Variants in MTAP observed in about 807,000 individuals in gnomAD.
MTAP encodes methylthioadenosine phosphorylase.
A neutral mutation model predicts 33.6 loss-of-function variants in MTAP; 33 were observed. The observed-to-expected ratio is 0.98, with a 90% CI of 0.74 to 1.31. The LOEUF (loss-of-function observed/expected upper bound fraction) is 1.31, where lower values mean the gene tolerates loss of function less well. Ranked by LOEUF, MTAP falls within the 40% of genes most tolerant of loss-of-function variation. The probability of loss-of-function intolerance (pLI) is 0.00; values close to 1 mark genes in which losing one functional copy is unlikely to be tolerated. For missense variants in MTAP, 367 were observed against 360.0 expected, an observed-to-expected ratio of 1.02 and a Z score of -0.16; for synonymous variants, 148 against 125.7, an observed-to-expected ratio of 1.18 and a Z score of -1.19.
chr9:21,823,831 A>G lies in MTAP; in HGVS notation c.347+5629A>G, dbSNP rs1387937978. 2.6e-5 allele frequency among the ~76,000 whole-genome samples: 4 copies of G among 152,024 alleles called. No individual in the cohort carries two copies. The East Asian group carries it at 7.7e-4, about 29-fold the overall frequency. ...CATTTCTTTTTACTCTTTTTTCTCT[A>G]AACTTCTCGCTTCATTTCATTCATC... is the stretch of plus-strand genomic sequence containing the variant. On this transcript the variant is annotated intron_variant, in intron 4 of 7. Coordinates refer to ENST00000644715, the MANE Select transcript of MTAP (RefSeq NM_002451.4).
At chr9:21,837,385 A>G (rs944520900) in intron 4 of MTAP, among the ~76,000 whole-genome samples, 4 of 152,160 alleles carry the variant, frequency 2.6e-5, no homozygotes, top group Non-Finnish European at 5.9e-5. Flanking sequence ...TAACAAAGCA[A>G]CTGTTTAAAA....
Position 21,918,504 on chromosome 9 carries a change from A to G in MTAP, c.148-12504A>G, listed in dbSNP as rs148072090. On this transcript the variant is annotated intron_variant, in intron 1 of 1. Coordinates refer to the MTAP transcript ENST00000577563. Reference sequence around the variant, plus strand: ...AAATTTCAGAAATTAGCACTAAAGAACTTACCCATTTAACCAAAAACCATC... The same window carrying G: ...AAATTTCAGAAATTAGCACTAAAGAGCTTACCCATTTAACCAAAAACCATC... Among the ~76,000 whole-genome samples, 567 of 152,144 alleles carry G rather than the reference A, an allele frequency of 3.7e-3. 2 individuals carry two copies. Among genetic ancestry groups the G allele is most frequent in the African/African-American group, 0.013 (528 of 41,492 alleles).
At chr9:21,894,330 G>A (rs979476009) in intron 1 of MTAP, among the ~76,000 whole-genome samples, 8 of 151,606 alleles carry the variant, frequency 5.3e-5, no homozygotes, top group Admixed American at 2.0e-4. Flanking sequence ...AGCATTCCCC[G>A]TGAGAACTGA....
chr9:21,846,765 A>G (rs1402166900), intron 5 of MTAP, among the ~76,000 whole-genome samples: 1 of 152,260 alleles, frequency 6.6e-6, no homozygotes, highest in African/African-American at 2.4e-5. Flanking sequence ...ATTATATGAA[A>G]AAGACACTTG....
intron 1 of MTAP, among the ~76,000 whole-genome samples, chr9:21,921,585 G>T (rs1315480275): frequency 2.6e-5 from 4 of 152,180 alleles, no homozygotes; most frequent in Non-Finnish European, 5.9e-5. Context: ...TGGAAAAGAA[G>T]AAATTCTGAA....
rs1458587511 is a variant in MTAP, at chr9:21,864,275, T to G, written c.*2261T>G. On this transcript the variant is annotated 3_prime_UTR_variant, in exon 8 of 8. Coordinates refer to ENST00000644715, the MANE Select transcript of MTAP (RefSeq NM_002451.4). ...CTCCTTATGCAAAGCCAATATAATT[T>G]TCCTCATACCTTATGCTTGAGGATA... The G allele has an allele frequency of 1.0e-6, 1 of 985,312 alleles. No individual in the cohort carries two copies. The highest frequency in any genetic ancestry group is 1.7e-5 in the African/African-American group (1 of 57,244). The allele number at this position is 985,312 out of a possible 1,614,324, so 61.0% of individuals were successfully genotyped here.
intron 1 of MTAP, among the ~76,000 whole-genome samples, chr9:21,874,033 T>C (rs1825971873): frequency 6.6e-6 from 1 of 152,176 alleles, no homozygotes. Context: ...CATCGGAATG[T>C]GATGATGTGT....
At chr9:21,882,118 A>G (rs571265114) in intron 1 of MTAP, among the ~76,000 whole-genome samples, 1 of 152,118 alleles carries the variant, frequency 6.6e-6, no homozygotes, top group South Asian at 2.1e-4. Flanking sequence ...AACCTTAAAA[A>G]GGATTTCCTT....
chr9:21,847,279 C>G (rs1484417672), intron 5 of MTAP, among the ~76,000 whole-genome samples: 1 of 152,146 alleles, frequency 6.6e-6, no homozygotes, highest in Admixed American at 6.5e-5. Flanking sequence ...TCCCATTTAT[C>G]TATCTGTCCC....
rs1824528166 is a variant in MTAP at position 21,818,019 on chromosome 9, T to G, written c.180-16T>G. Reference sequence around the variant, plus strand: ...GTACTCATCACGGGTTAACAATTTCTTCTCTCCTTCCATAGGCATGGAAGG... The same window carrying G: ...GTACTCATCACGGGTTAACAATTTCGTCTCTCCTTCCATAGGCATGGAAGG... On this transcript the variant is annotated splice_polypyrimidine_tract_variant and intron_variant, in intron 3 of 7. Transcript: ENST00000644715. 1 of 1,600,228 alleles carries G rather than the reference T, an allele frequency of 6.2e-7. No homozygotes were observed. Among genetic ancestry groups the G allele is most frequent in the Admixed American group, 1.8e-5 (1 of 56,138 alleles).
chr9:21,855,848 A>G (rs1825630434), intron 6 of MTAP, among the ~76,000 whole-genome samples: 1 of 152,206 alleles, frequency 6.6e-6, no homozygotes, highest in Non-Finnish European at 1.5e-5. Flanking sequence ...CCCTGCCCTC[A>G]TTGTGAAGTA....
chr9:21,934,517 CA>C (rs1016865514), downstream of MTAP: 2 of 151,780 alleles, frequency 1.3e-5, no homozygotes, highest in African/African-American at 4.8e-5. The surrounding 1 kb of genome is among the most constrained non-coding windows in gnomAD (Gnocchi z 5.0). Context: ...TTTTTTCTAC[CA>C]GGGGTTACTA....
downstream of MTAP, among the ~76,000 whole-genome samples, chr9:21,871,648 A>G (rs1198926105): frequency 6.6e-6 from 1 of 152,180 alleles, no homozygotes; most frequent in Non-Finnish European, 1.5e-5. Context: ...AATCTATGAA[A>G]TTTATGCCTA....
In MTAP at chr9:21,837,970, A is replaced by G. The variant is rs1480032622; in HGVS notation, c.410A>G (p.His137Arg). The G allele has an allele frequency of 1.5e-5, 24 of 1,614,028 alleles. No homozygotes were observed. Among genetic ancestry groups the G allele is most frequent in the African/African-American group, 2.7e-5 (2 of 74,918 alleles). ...CATTCTTGTGCCAGAGGAGTGTGCC[A>G]TATTCCAATGGCTGAGCCGTTTTGC... ...GSHSCARGVC[H>R]IPMAEPFCPK... The change falls in exon 5 of 8, where the codon CAT becomes CGT. Residue 137 changes from histidine to arginine, a missense_variant. Physicochemically the swap from His to Arg is conservative, Grantham distance 29. Transcript: ENST00000644715.
At chr9:21,832,333 A>ATG (rs1234152715) in intron 4 of MTAP, among the ~76,000 whole-genome samples, 1 of 152,202 alleles carries the variant, frequency 6.6e-6, no homozygotes, top group East Asian at 1.9e-4. Context: ...GATGTCAAGT[A>ATG]TTTGATCATT....
intron 1 of MTAP, among the ~76,000 whole-genome samples, chr9:21,919,942 T>C (rs1465725415): frequency 6.6e-6 from 1 of 152,196 alleles, no homozygotes; most frequent in Non-Finnish European, 1.5e-5. Context: ...GATTTTTCAA[T>C]GTGAAAATAA....
At chr9:21,817,725 A>G (rs916917641) in intron 3 of MTAP, among the ~76,000 whole-genome samples, 3 of 152,084 alleles carry the variant, frequency 2.0e-5, no homozygotes, top group Admixed American at 6.5e-5. Context: ...GGAGTGACTT[A>G]TAGCACGTTT....
chr9:21,834,630 A>G (rs148060695), intron 4 of MTAP, among the ~76,000 whole-genome samples: 1 of 152,270 alleles, frequency 6.6e-6, no homozygotes, highest in African/African-American at 2.4e-5. Flanking sequence ...CTCACCTCTC[A>G]TCATGCTGAC....
At chr9:21,879,658 G>A (rs902741823) in intron 1 of MTAP, among the ~76,000 whole-genome samples, 8 of 151,884 alleles carry the variant, frequency 5.3e-5, no homozygotes, top group Admixed American at 3.3e-4. Context: ...GTACTTAAAT[G>A]TGTTTTTGTA....
Sources: allele counts gnomAD v4.1 joint callset (sites outside exome capture counted in the v4.1 genomes callset), GRCh38; gene constraint gnomAD v4.1.1; non-coding constraint Gnocchi (gnomAD v3.1); transcripts MANE v1.5; gene names NCBI Gene and HGNC (gene_info 2026-07-23, HGNC 2026-07-21).